MANBAL: variants seen among roughly 807,000 people sequenced by gnomAD.
MANBAL encodes the protein protein MANBAL.
A neutral mutation model predicts 6.4 loss-of-function variants in MANBAL; 1 was observed. The observed-to-expected ratio is 0.16, with a 90% confidence interval of 0.06 to 0.74. MANBAL has a LOEUF of 0.74. MANBAL is among the 30% of genes least tolerant of loss of function. The pLI, the probability that MANBAL is intolerant of heterozygous loss-of-function variation, is 0.78. For synonymous variants in MANBAL, 47 were observed against 45.8 expected (o/e 1.03, Z -0.10); for missense variants, 100 against 107.8 (o/e 0.93, Z 0.32).
In MANBAL at chr20:37,301,305, G is replaced by A. The variant is rs774747449; in HGVS notation, c.42G>A (p.Glu14=). The change falls in exon 2 of 3, where the codon GAG becomes GAA. Residue 14 remains glutamate (E), a synonymous_variant. Coordinates refer to ENST00000373606, the MANE Select transcript of MANBAL (RefSeq NM_001003897.2). ...DLDFSPPEVP[E]PTFLENLLRY... ...ACTTCTCACCTCCGGAGGTGCCCGAGCCCACTTTCCTGGAGAACCTGCTAC... is the reference window on the plus strand; with the variant it reads ...ACTTCTCACCTCCGGAGGTGCCCGAACCCACTTTCCTGGAGAACCTGCTAC... The A allele has an allele frequency of 5.0e-6, 8 of 1,611,824 alleles. No homozygotes were observed. Among genetic ancestry groups the A allele is most frequent in the Non-Finnish European group, 6.8e-6 (8 of 1,178,424 alleles).
chr20:37,295,702 C>T (rs2068977666), intron 1 of MANBAL, among the ~76,000 whole-genome samples: 1 of 152,174 alleles, frequency 6.6e-6, no homozygotes. Flanking sequence ...TTTCCTCATC[C>T]TCATTAGTAA....
chr20:37,314,737 C>G (rs142732589), intron 2 of MANBAL, among the ~76,000 whole-genome samples: 1 of 152,184 alleles, frequency 6.6e-6, no homozygotes, highest in Non-Finnish European at 1.5e-5. Flanking sequence ...ACCTGGCTGG[C>G]TCTTCATATC....
At chr20:37,289,917 T>G (rs2068825355) in intron 1 of MANBAL, among the ~76,000 whole-genome samples, 1 of 152,230 alleles carries the variant, frequency 6.6e-6, no homozygotes, top group African/African-American at 2.4e-5. Context: ...CCCTGCGCTT[T>G]CGTGCGGAGG....
rs1344059015 is a variant in MANBAL, at chr20:37,299,219, A to T, written c.-56-1989A>T. 2.0e-5 allele frequency among the ~76,000 whole-genome samples: 3 copies of T among 152,014 alleles called. No individual in the cohort carries two copies. The East Asian group carries it at 5.8e-4, about 29-fold the overall frequency. On this transcript the variant is annotated intron_variant, in intron 1 of 2. Coordinates refer to ENST00000373606, the MANE Select transcript of MANBAL (RefSeq NM_001003897.2). ...CAGCCTCTCGAGTAGCTGGGAATAC[A>T]GGAGTGAGCCACCACTCCTGCCTAA...
chr20:37,308,766 C>T (rs1398112391), intron 2 of MANBAL, among the ~76,000 whole-genome samples: 1 of 152,160 alleles, frequency 6.6e-6, no homozygotes, highest in Admixed American at 6.5e-5. Context: ...AGTGTTGATT[C>T]AGCCAGATAA....
chr20:37,311,307 T>C, intron 2 of MANBAL, among the ~76,000 whole-genome samples: 1 of 151,732 alleles, frequency 6.6e-6, no homozygotes, highest in Non-Finnish European at 1.5e-5. Context: ...GTGACAAGAG[T>C]AGGCTGCACG....
intron 1 of MANBAL, among the ~76,000 whole-genome samples, chr20:37,291,493 T>C (rs2068869089): frequency 6.6e-6 from 1 of 152,220 alleles, no homozygotes; most frequent in African/African-American, 2.4e-5. Flanking sequence ...ACTTGAGGGT[T>C]TTGAAGATAG....
At chr20:37,316,220 A>G in intron 2 of MANBAL, 88 bp from the exon 3 acceptor site, 1 of 1,229,834 alleles carries the variant, frequency 8.1e-7, no homozygotes, top group Non-Finnish European at 1.2e-6. Flanking sequence ...TTTCTGTGGC[A>G]TGCTTCTTTG....
rs185557200 is a variant in MANBAL, at chr20:37,314,515, C to T, written c.151-1793C>T. On this transcript the variant is annotated intron_variant, in intron 2 of 2. Transcript: ENST00000373606. ...CAGCCTTGAGCTCAGAAGGCAGACT[C>T]CTTCCTAGAGATCCAGGCAGGCCTT... is the stretch of plus-strand genomic sequence containing the variant. 1.1e-4 allele frequency among the ~76,000 whole-genome samples: 17 copies of T among 152,326 alleles called. No individual in the cohort carries two copies. In the East Asian group the frequency reaches 3.3e-3, roughly 29 times the overall value.
Position 37,299,560 on chromosome 20 carries a change from G to A in MANBAL, c.-56-1648G>A, listed in dbSNP as rs182566200. On this transcript the variant is annotated intron_variant, in intron 1 of 2. Transcript: ENST00000373606. The stretch of plus-strand genomic sequence containing the variant: ...GATAGCTCAGACTTAGCAAAATATT[G>A]CATTGTGGCACAGATCTCTGGAAAC... 2.0e-5 allele frequency among the ~76,000 whole-genome samples: 3 copies of A among 152,308 alleles called. No individual in the cohort carries two copies. The East Asian group carries it at 5.8e-4, about 29-fold the overall frequency.
At chr20:37,291,419 C>G (rs1222829322) in intron 1 of MANBAL, among the ~76,000 whole-genome samples, 1 of 152,196 alleles carries the variant, frequency 6.6e-6, no homozygotes, top group Non-Finnish European at 1.5e-5. Context: ...TACATTTAGT[C>G]ATCATATCTC....
intron 2 of MANBAL, among the ~76,000 whole-genome samples, chr20:37,304,667 A>G (rs1173286004): frequency 1.3e-5 from 2 of 152,070 alleles, no homozygotes; most frequent in Non-Finnish European, 2.9e-5. Context: ...TGTAGCTGGG[A>G]GGATGATGGG....
chr20:37,306,999 T>C (rs955558794), intron 2 of MANBAL, among the ~76,000 whole-genome samples: 1 of 152,226 alleles, frequency 6.6e-6, no homozygotes, highest in Non-Finnish European at 1.5e-5. Context: ...GGTCTTGCTC[T>C]ATTGCCTAGG....
rs918660436 is a variant in MANBAL at position 37,302,327 on chromosome 20, C to G, written c.150+914C>G. 5 of 1,550,520 alleles carry G rather than the reference C, an allele frequency of 3.2e-6. No homozygotes were observed. In the Admixed American group the frequency reaches 7.8e-5, roughly 24 times the overall value. On this transcript the variant is annotated intron_variant, in intron 2 of 2. Transcript: ENST00000373606. ...TCCATTCCAGTCAGGTTATTGGGTACGAATACCTCAGAGCTGGTGCTATGT... is the reference window on the plus strand; with the variant it reads ...TCCATTCCAGTCAGGTTATTGGGTAGGAATACCTCAGAGCTGGTGCTATGT...
At chr20:37,304,796 A>T (rs1436146835) in intron 2 of MANBAL, among the ~76,000 whole-genome samples, 4 of 152,038 alleles carry the variant, frequency 2.6e-5, no homozygotes, top group Non-Finnish European at 5.9e-5. Flanking sequence ...ATACTTTAAC[A>T]TGTCTGGGTG....
chr20:37,315,850 C>T (rs568409370), intron 2 of MANBAL, among the ~76,000 whole-genome samples: 8 of 152,374 alleles, frequency 5.3e-5, no homozygotes, highest in South Asian at 2.1e-4. Flanking sequence ...GCCAGCTCCT[C>T]GCCCACATTT....
At chr20:37,302,885 G>T (rs2069170191) in intron 2 of MANBAL, among the ~76,000 whole-genome samples, 1 of 151,330 alleles carries the variant, frequency 6.6e-6, no homozygotes, top group Admixed American at 6.6e-5. Flanking sequence ...TAGCTTCCTT[G>T]CTTCATGGTT....
intron 2 of MANBAL, among the ~76,000 whole-genome samples, chr20:37,310,899 C>T (rs943351856): frequency 1.2e-4 from 19 of 152,184 alleles, no homozygotes; most frequent in African/African-American, 4.1e-4. Flanking sequence ...GTGGCTGGTA[C>T]GGGCAGCGTA....
At chr20:37,299,701 T>G (rs2069087874) in intron 1 of MANBAL, among the ~76,000 whole-genome samples, 1 of 152,172 alleles carries the variant, frequency 6.6e-6, no homozygotes. Flanking sequence ...AGCAGTTCAG[T>G]CATGCCAGGG....
Sources: allele counts gnomAD v4.1 joint callset (sites outside exome capture counted in the v4.1 genomes callset), GRCh38; gene constraint gnomAD v4.1.1; transcripts MANE v1.5; gene names NCBI Gene and HGNC (gene_info 2026-07-23, HGNC 2026-07-21).